Variants in PALM2AKAP2 observed in about 807,000 individuals in gnomAD.
PALM2AKAP2 encodes the protein PALM2-AKAP2 fusion protein.
In PALM2AKAP2, 37 loss-of-function variants were observed where a neutral mutation model predicts 71.5. The ratio of observed to expected loss-of-function variants is 0.52; its 90% confidence interval spans 0.40 to 0.68. The LOEUF (loss-of-function observed/expected upper bound fraction) is 0.68, where lower values mean the gene tolerates loss of function less well. Among genes scored for constraint, PALM2AKAP2 ranks in the 30% least tolerant of loss-of-function variants. The pLI is 0.00. For synonymous variants in PALM2AKAP2, 468 were observed against 478.8 expected (o/e 0.98, Z 0.29); for missense variants, 1,224 against 1,191.8 (o/e 1.03, Z -0.40).
intron 1 of PALM2AKAP2, among the ~76,000 whole-genome samples, chr9:109,729,606 G>C (rs1039062141): frequency 1.3e-5 from 2 of 152,202 alleles, no homozygotes; most frequent in Non-Finnish European, 2.9e-5. Context: ...CCCCTTGGTA[G>C]AGGAGGCCAG....
chr9:109,771,817 G>A (rs1023427100), intron 1 of PALM2AKAP2, among the ~76,000 whole-genome samples: 1 of 152,126 alleles, frequency 6.6e-6, no homozygotes, highest in Non-Finnish European at 1.5e-5. Flanking sequence ...CGCAGCCCAG[G>A]GAGCATTAAT....
chr9:109,797,752 G>T (rs780134185), intron 1 of PALM2AKAP2, among the ~76,000 whole-genome samples: 28 of 152,230 alleles, frequency 1.8e-4, no homozygotes, highest in Non-Finnish European at 3.1e-4. Flanking sequence ...ACAAAAATGA[G>T]CCATCTCTAG....
intron 1 of PALM2AKAP2, among the ~76,000 whole-genome samples, chr9:109,761,431 A>T (rs28753875): frequency 0.019 from 2,841 of 152,270 alleles, 87 homozygotes; most frequent in African/African-American, 0.064. Context: ...ACAGGTGTAC[A>T]TGTGCCATGG....
intron 1 of PALM2AKAP2, among the ~76,000 whole-genome samples, chr9:109,706,491 G>A (rs996611202): frequency 7.2e-5 from 11 of 152,128 alleles, no homozygotes; most frequent in African/African-American, 2.7e-4. Flanking sequence ...TTGGAAAAAA[G>A]TTTGACTCTT....
At chr9:109,928,378 A>G (rs1831004101) in intron 5 of PALM2AKAP2, among the ~76,000 whole-genome samples, 1 of 152,204 alleles carries the variant, frequency 6.6e-6, no homozygotes, top group South Asian at 2.1e-4. Context: ...AAGAAGCAGC[A>G]CTCATCTTTA....
intron 2 of PALM2AKAP2, 44 bp downstream of exon 8, chr9:110,138,583 T>C (rs1564329520): frequency 2.0e-6 from 3 of 1,510,532 alleles, no homozygotes; most frequent in East Asian, 4.7e-5. Context: ...CACAGCAGTC[T>C]GTTGTTGTTG....
At chr9:109,756,319 G>A (rs1828963148) in intron 1 of PALM2AKAP2, among the ~76,000 whole-genome samples, 1 of 152,064 alleles carries the variant, frequency 6.6e-6, no homozygotes, top group South Asian at 2.1e-4. Flanking sequence ...GTTTGCCATA[G>A]GTATTTATTT....
At chr9:109,732,199 G>A (rs369884951) in intron 1 of PALM2AKAP2, among the ~76,000 whole-genome samples, 60 of 152,232 alleles carry the variant, frequency 3.9e-4, no homozygotes, top group Admixed American at 4.6e-4. Context: ...CGTAAGAATA[G>A]CATTCCTTCC....
rs937867628 is a variant in PALM2AKAP2 at position 110,097,942 on chromosome 9, C to T, written c.157-38185C>T. ...GGGAGGCCAAGGCTGGCGGATCACT[C>T]GTGGTAAGGAGCTGGAGACCAGCCC... On this transcript the variant is annotated intron_variant, in intron 1 of 3. Transcript: ENST00000374525. Among the ~76,000 whole-genome samples the T allele has an allele frequency of 7.8e-5, 11 of 141,592 alleles. 1 individual carries two copies. The highest frequency in any genetic ancestry group is 1.2e-4 in the Non-Finnish European group (8 of 66,308). The allele number at this position is 141,592 out of a possible 152,430, so 92.9% of individuals were successfully genotyped here. A position where few individuals can be genotyped will look rare whatever the true frequency, so the allele number is the denominator to read the frequency against.
chr9:109,830,414 A>G (rs1311224509), intron 1 of PALM2AKAP2, among the ~76,000 whole-genome samples: 1 of 152,176 alleles, frequency 6.6e-6, no homozygotes, highest in East Asian at 1.9e-4. Context: ...TCATCAAACC[A>G]GGGGCTGGTG....
At chr9:109,742,734 G>T (rs1828733825) in intron 1 of PALM2AKAP2, among the ~76,000 whole-genome samples, 1 of 152,054 alleles carries the variant, frequency 6.6e-6, no homozygotes, top group Non-Finnish European at 1.5e-5. Context: ...TGCTATTTTT[G>T]TTTTCACTTC....
chr9:110,050,980 T>G (rs1411578500), intron 1 of PALM2AKAP2, among the ~76,000 whole-genome samples: 1 of 152,160 alleles, frequency 6.6e-6, no homozygotes, highest in African/African-American at 2.4e-5. Flanking sequence ...ACACCAAGTT[T>G]CCTGCAATTA....
At chr9:109,805,985 C>G (rs993646645) in intron 1 of PALM2AKAP2, among the ~76,000 whole-genome samples, 1 of 152,126 alleles carries the variant, frequency 6.6e-6, no homozygotes, top group African/African-American at 2.4e-5. Flanking sequence ...CATGGAAAAG[C>G]TCTATCTTGG....
exon 2 of PALM2AKAP2, chr9:110,137,557 C>T (rs1417120039): frequency 6.2e-7 from 1 of 1,614,182 alleles, no homozygotes; most frequent in Non-Finnish European, 8.5e-7. Context: ...TTACGAGCGC[C>T]CGGGCTGTCC....
chr9:109,914,995 C>T (rs1830651914), intron 3 of PALM2AKAP2, among the ~76,000 whole-genome samples: 1 of 152,204 alleles, frequency 6.6e-6, no homozygotes, highest in Non-Finnish European at 1.5e-5. Flanking sequence ...CTTTCCTTTT[C>T]TGCTCTTTCT....
intron 1 of PALM2AKAP2, among the ~76,000 whole-genome samples, chr9:109,815,343 A>G (rs533977878): frequency 1.4e-4 from 21 of 152,330 alleles, no homozygotes; most frequent in African/African-American, 5.1e-4. Context: ...GCCTGATAGG[A>G]AATAACATGT....
At chr9:109,727,214 G>T (rs1564126778) in intron 1 of PALM2AKAP2, among the ~76,000 whole-genome samples, 1 of 152,118 alleles carries the variant, frequency 6.6e-6, no homozygotes, top group African/African-American at 2.4e-5. Context: ...AATTTTTTCA[G>T]GTTACTTGGC....
rs114211367 is a variant in PALM2AKAP2 at position 109,771,738 on chromosome 9, A to G, written c.6-8750A>G. ...CTGGGGGAGTGAGAAGTAAGGCATT[A>G]GAGGAGGAAAGATGATAACTGAGTG... On this transcript the variant is annotated intron_variant, in intron 1 of 6. Coordinates refer to the PALM2AKAP2 transcript ENST00000374531. Among the ~76,000 whole-genome samples, 419 of 152,344 alleles carry G rather than the reference A, an allele frequency of 2.8e-3. 2 individuals carry two copies. The highest frequency in any genetic ancestry group is 9.6e-3 in the African/African-American group (398 of 41,580).
At chr9:110,149,502 AG>A (rs934614574) in intron 2 of PALM2AKAP2, among the ~76,000 whole-genome samples, 26 of 152,394 alleles carry the variant, frequency 1.7e-4, no homozygotes, top group African/African-American at 6.2e-4. Context: ...AAATGTAAAA[AG>A]AATCAAAAGT....
Sources: allele counts gnomAD v4.1 joint callset (sites outside exome capture counted in the v4.1 genomes callset), GRCh38; gene constraint gnomAD v4.1.1; transcripts MANE v1.5; gene names NCBI Gene and HGNC (gene_info 2026-07-23, HGNC 2026-07-21).